Variants in ABCC4 observed in about 807,000 individuals in gnomAD.
ABCC4 encodes the protein ATP-binding cassette sub-family C member 4.
Under a neutral mutation model 168.5 loss-of-function variants are expected in ABCC4, and 102 were observed. That is an observed-to-expected ratio of 0.61 (90% CI 0.52 to 0.71). The LOEUF (loss-of-function observed/expected upper bound fraction) is 0.71. ABCC4 is among the 30% of genes least tolerant of loss of function. The probability of loss-of-function intolerance (pLI) is 0.00; values close to 1 mark genes in which losing one functional copy is unlikely to be tolerated. For missense variants in ABCC4, 1,402 were observed against 1,605.8 expected (o/e 0.87, Z 2.17); for synonymous variants, 617 against 590.7 (o/e 1.04, Z -0.65).
At chr13:95,106,376 C>T (rs752081621) in intron 20 of ABCC4, among the ~76,000 whole-genome samples, 7 of 151,180 alleles carry the variant, frequency 4.6e-5, no homozygotes, top group Admixed American at 1.3e-4. Context: ...TACATATATA[C>T]GCACACACAC....
chr13:95,297,431 T>C (rs564384704), intron 1 of ABCC4, among the ~76,000 whole-genome samples: 96 of 152,284 alleles, frequency 6.3e-4, no homozygotes, highest in African/African-American at 2.2e-3. Context: ...TAAAAGTCAG[T>C]AAGCCAGTTA....
chr13:95,187,404 A>G (rs2038102690), intron 10 of ABCC4, among the ~76,000 whole-genome samples: 1 of 151,980 alleles, frequency 6.6e-6, no homozygotes, highest in Non-Finnish European at 1.5e-5. Flanking sequence ...CAGGAGTTCG[A>G]GACCAGCCTG....
Position 95,076,176 on chromosome 13 carries a change from G to A in ABCC4, c.2687-625C>T, listed in dbSNP as rs572205715. Reference sequence around the variant, plus strand: ...AATCCTTTGTGATCTCCATGGACCTGGGTGCTGCAATGCCCTTGTGCCGTG... The same window carrying A: ...AATCCTTTGTGATCTCCATGGACCTAGGTGCTGCAATGCCCTTGTGCCGTG... On this transcript the variant is annotated intron_variant, in intron 21 of 30. Transcript: ENST00000645237. Among the ~76,000 whole-genome samples, 13 of 152,290 alleles carry A rather than the reference G, an allele frequency of 8.5e-5. 1 individual carries two copies. In the South Asian group the frequency reaches 2.5e-3, roughly 29 times the overall value.
At chr13:95,050,202 AG>A (rs971195435) in intron 27 of ABCC4, among the ~76,000 whole-genome samples, 1 of 152,218 alleles carries the variant, frequency 6.6e-6, no homozygotes, top group Non-Finnish European at 1.5e-5. Context: ...TACAATCACC[AG>A]GAAGTAAGAT....
intron 27 of ABCC4, 105 bp downstream of exon 27, chr13:95,052,990 G>A: frequency 1.0e-6 from 1 of 959,510 alleles, no homozygotes; most frequent in Non-Finnish European, 1.7e-6. Context: ...GGTGAACAAA[G>A]TTAGTTAAAC....
intron 19 of ABCC4, among the ~76,000 whole-genome samples, chr13:95,119,109 G>A (rs530891918): frequency 3.3e-5 from 5 of 152,142 alleles, no homozygotes; most frequent in African/African-American, 1.2e-4. Context: ...CATATCTCAG[G>A]GTCAGGATAT....
At chr13:95,268,706 GT>G (rs1267858482) in intron 1 of ABCC4, among the ~76,000 whole-genome samples, 7 of 152,078 alleles carry the variant, frequency 4.6e-5, no homozygotes, top group Admixed American at 4.6e-4. Context: ...TCTTAACCTT[GT>G]TTATGACACA....
At chr13:95,296,737 G>C (rs2041545398) in intron 1 of ABCC4, among the ~76,000 whole-genome samples, 1 of 152,130 alleles carries the variant, frequency 6.6e-6, no homozygotes, top group South Asian at 2.1e-4. Flanking sequence ...GTGCCTGCCG[G>C]GCACCAGGGG....
At position 95,202,513 on chromosome 13, in the gene ABCC4, C is replaced by T. The variant is rs188470418; in HGVS notation, c.1161+4019G>A. 3.0e-3 allele frequency among the ~76,000 whole-genome samples: 451 copies of T among 152,250 alleles called. 5 individuals carry two copies. The highest frequency in any genetic ancestry group is 0.01 in the African/African-American group (433 of 41,548). On this transcript the variant is annotated intron_variant, in intron 8 of 30. Transcript: ENST00000645237. The stretch of plus-strand genomic sequence containing the variant: ...CAAGGCCCAGAGAGTTGGTGAGAAC[C>T]CAAGGTCTGCGTCCCACCCCGCCAT...
intron 19 of ABCC4, among the ~76,000 whole-genome samples, chr13:95,140,272 C>A (rs901266810): frequency 6.6e-6 from 1 of 152,172 alleles, no homozygotes; most frequent in Non-Finnish European, 1.5e-5. Flanking sequence ...AAGAGCACTT[C>A]ATGGACTCGG....
At chr13:95,180,942 C>A (rs1167350225) in intron 11 of ABCC4, among the ~76,000 whole-genome samples, 1 of 152,158 alleles carries the variant, frequency 6.6e-6, no homozygotes, top group Non-Finnish European at 1.5e-5. Flanking sequence ...TTTATGGACA[C>A]GCCTCAGACA....
intron 19 of ABCC4, among the ~76,000 whole-genome samples, chr13:95,145,428 C>G (rs1177941110): frequency 1.3e-5 from 2 of 149,902 alleles, no homozygotes; most frequent in Non-Finnish European, 3.0e-5. Flanking sequence ...ACCAGCCTGT[C>G]TGGGTAACAT....
intron 14 of ABCC4, among the ~76,000 whole-genome samples, chr13:95,167,653 T>C (rs1288659606): frequency 1.3e-5 from 2 of 152,184 alleles, no homozygotes; most frequent in African/African-American, 4.8e-5. Context: ...CCTAGTTTGA[T>C]AAAATGACCA....
At chr13:95,029,194 A>ATATCTATATATC (rs1566355222) in intron 30 of ABCC4, among the ~76,000 whole-genome samples, 1 of 93,104 alleles carries the variant, frequency 1.1e-5, no homozygotes, top group African/African-American at 4.6e-5. Flanking sequence ...ATATATATAT[A>ATATCTATATATC]TATATATATA....
At chr13:95,120,532 T>C (rs2035531318) in intron 19 of ABCC4, among the ~76,000 whole-genome samples, 1 of 137,202 alleles carries the variant, frequency 7.3e-6, no homozygotes, top group Non-Finnish European at 1.5e-5. Flanking sequence ...TGGATGCTAC[T>C]GCACTCCAGG....
At chr13:95,259,380 C>CA (rs11462774) in intron 1 of ABCC4, among the ~76,000 whole-genome samples, 37,563 of 127,992 alleles carry the variant, frequency 0.29, 5,251 homozygotes, top group African/African-American at 0.36. Context: ...AACTCCGTCT[C>CA]AAAAAAAAAA....
At chr13:95,210,836 G>C in intron 4 of ABCC4, 55 bp from the exon 5 acceptor site, 1 of 1,372,986 alleles carries the variant, frequency 7.3e-7, no homozygotes, top group Non-Finnish European at 1.0e-6. Flanking sequence ...ACTAAGTCAG[G>C]CTTAGGACAC....
At chr13:95,111,662 G>A (rs749326529) in intron 20 of ABCC4, among the ~76,000 whole-genome samples, 1 of 152,164 alleles carries the variant, frequency 6.6e-6, no homozygotes, top group South Asian at 2.1e-4. Flanking sequence ...CATCTGCAAT[G>A]AGTGCCAACA....
At chr13:95,220,373 ATGT>A (rs1467508161) in intron 4 of ABCC4, among the ~76,000 whole-genome samples, 3 of 152,264 alleles carry the variant, frequency 2.0e-5, no homozygotes, top group African/African-American at 4.8e-5. Context: ...TTTTTTCCTA[ATGT>A]TGTGTATTTA....
Sources: allele counts gnomAD v4.1 joint callset (sites outside exome capture counted in the v4.1 genomes callset), GRCh38; gene constraint gnomAD v4.1.1; transcripts MANE v1.5; gene names NCBI Gene and HGNC (gene_info 2026-07-23, HGNC 2026-07-21).